ZBTB20: variants seen among roughly 807,000 people sequenced by gnomAD.
ZBTB20 encodes the protein zinc finger and BTB domain-containing protein 20.
In ZBTB20, 9 loss-of-function variants were observed where a neutral mutation model predicts 56.9. The ratio of observed to expected loss-of-function variants is 0.16; its 90% CI spans 0.10 to 0.28. The LOEUF (loss-of-function observed/expected upper bound fraction) is 0.28. Ranked by LOEUF, ZBTB20 falls within the 10% of genes least tolerant of loss-of-function variation. The pLI is 1.00. For missense variants in ZBTB20, 655 were observed against 1,003.0 expected (o/e 0.65, Z 4.69); for synonymous variants, 417 against 420.7 (o/e 0.99, Z 0.11).
chr3:115,138,258 T>C (rs2107337000), intron 1 of ZBTB20, among the ~76,000 whole-genome samples: 1 of 152,222 alleles, frequency 6.6e-6, no homozygotes, highest in South Asian at 2.1e-4. Context: ...TTCCAAGGCC[T>C]GCTTTAACAT....
intron 3 of ZBTB20, among the ~76,000 whole-genome samples, chr3:114,925,037 G>T (rs1051552693): frequency 7.8e-5 from 11 of 141,052 alleles, no homozygotes; most frequent in African/African-American, 2.7e-4. Context: ...AGGATGGAGT[G>T]CAGTGGCGCA....
intron 7 of ZBTB20, among the ~76,000 whole-genome samples, chr3:114,449,737 T>C (rs1225916547): frequency 6.6e-6 from 1 of 151,280 alleles, no homozygotes; most frequent in African/African-American, 2.4e-5. Context: ...CCTTTTCTGG[T>C]ATTATTACAG....
intron 8 of ZBTB20, among the ~76,000 whole-genome samples, chr3:114,382,602 C>G (rs934979441): frequency 1.3e-5 from 2 of 152,190 alleles, no homozygotes; most frequent in Non-Finnish European, 2.9e-5. Context: ...CTTGATTCCT[C>G]TCTGCCAGGT....
intron 6 of ZBTB20, among the ~76,000 whole-genome samples, chr3:114,543,315 T>C (rs1171318600): frequency 6.6e-6 from 1 of 152,188 alleles, no homozygotes; most frequent in African/African-American, 2.4e-5. Flanking sequence ...AATCTACAAA[T>C]GTAGAACCCA....
chr3:114,742,967 G>A (rs1224187471), intron 5 of ZBTB20, among the ~76,000 whole-genome samples: 1 of 152,148 alleles, frequency 6.6e-6, no homozygotes, highest in East Asian at 1.9e-4. Flanking sequence ...AGTGTCCTCA[G>A]TCTGTCTGCA....
chr3:114,969,902 G>A (rs899093706), intron 3 of ZBTB20, among the ~76,000 whole-genome samples: 2 of 152,070 alleles, frequency 1.3e-5, no homozygotes, highest in African/African-American at 4.8e-5. Context: ...TGATACACAG[G>A]GAAATATGTG....
At chr3:114,831,833 TTTA>T (rs1229151207) in intron 4 of ZBTB20, among the ~76,000 whole-genome samples, 1 of 152,058 alleles carries the variant, frequency 6.6e-6, no homozygotes, top group Non-Finnish European at 1.5e-5. Flanking sequence ...ACCTCATCTT[TTTA>T]AACAGAGGAA....
At chr3:114,838,987 A>C (rs1016092850) in intron 4 of ZBTB20, among the ~76,000 whole-genome samples, 2 of 152,170 alleles carry the variant, frequency 1.3e-5, no homozygotes, top group Non-Finnish European at 2.9e-5. Context: ...AGATGTTATC[A>C]TTCCTGTTCT....
intron 6 of ZBTB20, among the ~76,000 whole-genome samples, chr3:114,585,956 C>T (rs547330210): frequency 2.3e-4 from 35 of 152,238 alleles, no homozygotes; most frequent in African/African-American, 7.5e-4. Flanking sequence ...GTCAGCAGGG[C>T]CTGTTTGTTC....
intron 6 of ZBTB20, among the ~76,000 whole-genome samples, chr3:114,687,035 G>C (rs542039908): frequency 6.6e-6 from 1 of 152,172 alleles, no homozygotes; most frequent in African/African-American, 2.4e-5. Flanking sequence ...AAAACTCCAT[G>C]AGGGAAATGG....
At chr3:114,854,490 G>T (rs1216704726) in intron 4 of ZBTB20, among the ~76,000 whole-genome samples, 1 of 152,096 alleles carries the variant, frequency 6.6e-6, no homozygotes, top group Non-Finnish European at 1.5e-5. Context: ...CAGTACATTT[G>T]TATAGTTTTT....
At chr3:114,996,257 T>C (rs1476800156) in intron 2 of ZBTB20, among the ~76,000 whole-genome samples, 1 of 151,842 alleles carries the variant, frequency 6.6e-6, no homozygotes, top group Admixed American at 6.6e-5. Flanking sequence ...GTGTAGAACA[T>C]GCAGGTTTGT....
At chr3:114,618,301 G>C (rs1275679982) in intron 6 of ZBTB20, among the ~76,000 whole-genome samples, 1 of 145,936 alleles carries the variant, frequency 6.9e-6, no homozygotes, top group African/African-American at 2.6e-5. Context: ...CCAGGTTGGA[G>C]TATAGTGGTG....
chr3:114,398,297 A>G (rs2086512370), intron 7 of ZBTB20, among the ~76,000 whole-genome samples: 1 of 152,162 alleles, frequency 6.6e-6, no homozygotes, highest in Non-Finnish European at 1.5e-5. Context: ...TATACACTAC[A>G]GAGACCCCAG....
At chr3:114,556,818 T>A (rs2051286160) in intron 6 of ZBTB20, among the ~76,000 whole-genome samples, 2 of 152,032 alleles carry the variant, frequency 1.3e-5, no homozygotes, top group African/African-American at 4.8e-5. Context: ...TTAATAAAAT[T>A]AATGAGATAA....
At chr3:114,798,980 T>C (rs958702551) in intron 5 of ZBTB20, among the ~76,000 whole-genome samples, 6 of 151,556 alleles carry the variant, frequency 4.0e-5, no homozygotes, top group Non-Finnish European at 8.8e-5. Flanking sequence ...GATAAATGTA[T>C]GTAAAAAAGA....
At chr3:114,566,360 G>C (rs2052754298) in intron 6 of ZBTB20, among the ~76,000 whole-genome samples, 1 of 152,176 alleles carries the variant, frequency 6.6e-6, no homozygotes, top group Non-Finnish European at 1.5e-5. Context: ...ACCAAGGCAA[G>C]AGGATAAAGA....
intron 6 of ZBTB20, among the ~76,000 whole-genome samples, chr3:114,676,696 T>A (rs1213715461): frequency 6.6e-6 from 1 of 152,098 alleles, no homozygotes; most frequent in Non-Finnish European, 1.5e-5. Context: ...TGTCTAAAAT[T>A]TAGTGAGAAC....
At chr3:115,015,332 G>C (rs1004483513) in intron 2 of ZBTB20, among the ~76,000 whole-genome samples, 2 of 151,700 alleles carry the variant, frequency 1.3e-5, no homozygotes, top group Non-Finnish European at 2.9e-5. Flanking sequence ...AAAAGTTCCA[G>C]GGTACATGTG....
Sources: allele counts gnomAD v4.1 joint callset (sites outside exome capture counted in the v4.1 genomes callset), GRCh38; gene constraint gnomAD v4.1.1; transcripts MANE v1.5; gene names NCBI Gene and HGNC (gene_info 2026-07-23, HGNC 2026-07-21).